Variants in LHFPL3 observed in about 807,000 individuals in gnomAD.
LHFPL3 encodes LHFPL tetraspan subfamily member 3 protein.
In LHFPL3, 5 loss-of-function variants were observed where a neutral mutation model predicts 19.3. The ratio of observed to expected loss-of-function variants is 0.26; its 90% CI spans 0.14 to 0.54. The LOEUF (loss-of-function observed/expected upper bound fraction) is 0.54, where lower values mean the gene tolerates loss of function less well. Among genes scored for constraint, LHFPL3 ranks in the 20% least tolerant of loss-of-function variants. LHFPL3 has a pLI of 0.94. For missense variants in LHFPL3, 249 were observed against 307.4 expected (o/e 0.81, Z 1.42); for synonymous variants, 133 against 126.2 (o/e 1.05, Z -0.36).
At chr7:104,834,730 G>T (rs2116571251) in intron 2 of LHFPL3, among the ~76,000 whole-genome samples, 2 of 152,040 alleles carry the variant, frequency 1.3e-5, no homozygotes, top group Middle Eastern at 6.8e-3. Context: ...ATTCAGCATG[G>T]CCCATGCAGG....
chr7:104,388,398 A>G (rs1175188009), intron 1 of LHFPL3, among the ~76,000 whole-genome samples: 1 of 152,290 alleles, frequency 6.6e-6, no homozygotes, highest in East Asian at 1.9e-4. Flanking sequence ...AGGGATCCTC[A>G]ATAAGACATA....
At chr7:104,409,480 G>T (rs192872055) in intron 1 of LHFPL3, among the ~76,000 whole-genome samples, 1 of 152,178 alleles carries the variant, frequency 6.6e-6, no homozygotes, top group Non-Finnish European at 1.5e-5. Context: ...GCTGGGCATG[G>T]TGGTGCACAC....
At chr7:104,704,879 T>G (rs188599305) in intron 1 of LHFPL3, among the ~76,000 whole-genome samples, 3 of 152,260 alleles carry the variant, frequency 2.0e-5, no homozygotes, top group Non-Finnish European at 2.9e-5. Context: ...CAAGCATTTC[T>G]CCCACCTTGA....
At chr7:104,576,955 C>T (rs1790349876) in intron 1 of LHFPL3, among the ~76,000 whole-genome samples, 1 of 152,190 alleles carries the variant, frequency 6.6e-6, no homozygotes, top group Admixed American at 6.5e-5. Context: ...AGTTTATCTT[C>T]TTACCTTTCT....
chr7:104,828,737 G>C (rs1455543881), intron 2 of LHFPL3, among the ~76,000 whole-genome samples: 2 of 151,936 alleles, frequency 1.3e-5, no homozygotes, highest in Non-Finnish European at 2.9e-5. Flanking sequence ...GGGAAATAAA[G>C]AGTCCCCAAA....
At position 104,484,476 on chromosome 7, in the gene LHFPL3, G is replaced by A. The variant is rs1793200531; in HGVS notation, c.445+155252G>A. ...TCAAAAGCCTTCTCAAAAATCAATG[G>A]GGTATGTTTTCTGTTGAGCTCCTTG... On this transcript the variant is annotated intron_variant, in intron 1 of 2. Coordinates refer to ENST00000424859, the MANE Select transcript of LHFPL3 (RefSeq NM_199000.3). Among the ~76,000 whole-genome samples the A allele has an allele frequency of 2.0e-5, 3 of 152,132 alleles. No individual in the cohort carries two copies. In the South Asian group the frequency reaches 6.2e-4, roughly 32 times the overall value.
intron 1 of LHFPL3, among the ~76,000 whole-genome samples, chr7:104,644,292 C>G (rs1358282164): frequency 1.3e-5 from 2 of 152,232 alleles, no homozygotes; most frequent in African/African-American, 4.8e-5. Context: ...TCCACATCCT[C>G]TTTCCCATAG....
chr7:104,841,492 G>GT (rs11419624), intron 2 of LHFPL3, among the ~76,000 whole-genome samples: 133,114 of 141,184 alleles, frequency 0.94, 62,792 homozygotes, highest in Non-Finnish European at 0.98. Flanking sequence ...GCATTATGTG[G>GT]GGTGTGTGTG....
intron 2 of LHFPL3, among the ~76,000 whole-genome samples, chr7:104,783,813 A>T (rs1226979449): frequency 1.3e-5 from 2 of 152,174 alleles, no homozygotes; most frequent in Non-Finnish European, 2.9e-5. Context: ...TTAGTATGCT[A>T]TGTTTACTGG....
intron 1 of LHFPL3, among the ~76,000 whole-genome samples, chr7:104,581,312 C>G (rs1049573158): frequency 1.2e-4 from 18 of 152,026 alleles, no homozygotes; most frequent in Non-Finnish European, 2.4e-4. Context: ...ATTGCCTGTT[C>G]AGAGATCTAT....
At chr7:104,544,752 G>A (rs897817857) in intron 1 of LHFPL3, among the ~76,000 whole-genome samples, 3 of 152,096 alleles carry the variant, frequency 2.0e-5, no homozygotes, top group Non-Finnish European at 2.9e-5. Flanking sequence ...ATGGTAAGTA[G>A]AAAATGATTT....
chr7:104,835,562 T>A (rs1028167122), intron 2 of LHFPL3, among the ~76,000 whole-genome samples: 1 of 145,310 alleles, frequency 6.9e-6, no homozygotes, highest in Non-Finnish European at 1.5e-5. Context: ...ACAAAATTCC[T>A]GTTCTCCAGA....
intron 1 of LHFPL3, among the ~76,000 whole-genome samples, chr7:104,397,655 C>T (rs2116486289): frequency 6.6e-6 from 1 of 152,278 alleles, no homozygotes; most frequent in Admixed American, 6.5e-5. Context: ...AGGGACATTT[C>T]TTACTCTCCA....
intron 2 of LHFPL3, among the ~76,000 whole-genome samples, chr7:104,743,463 C>T (rs1793974676): frequency 6.6e-6 from 1 of 152,164 alleles, no homozygotes; most frequent in Non-Finnish European, 1.5e-5. Context: ...CTGGGCTTTA[C>T]CTTCTTTAAA....
At chr7:104,728,443 A>G (rs1793629788) in intron 1 of LHFPL3, among the ~76,000 whole-genome samples, 3 of 152,134 alleles carry the variant, frequency 2.0e-5, no homozygotes, top group Non-Finnish European at 4.4e-5. Context: ...CAGTGTGATC[A>G]CTTTCTCCAT....
At chr7:104,422,735 T>C (rs1220587876) in intron 1 of LHFPL3, among the ~76,000 whole-genome samples, 1 of 152,178 alleles carries the variant, frequency 6.6e-6, no homozygotes, top group Non-Finnish European at 1.5e-5. Flanking sequence ...AGATAAAATA[T>C]GATAGTGTAC....
At chr7:104,797,984 T>C (rs1790165676) in intron 2 of LHFPL3, among the ~76,000 whole-genome samples, 1 of 151,646 alleles carries the variant, frequency 6.6e-6, no homozygotes, top group African/African-American at 2.4e-5. Flanking sequence ...CGGCAGCAGC[T>C]GATGTCAGCA....
rs372825055 is a variant in LHFPL3, at chr7:104,674,266, T to C, written c.446-62409T>C. Among the ~76,000 whole-genome samples the C allele has an allele frequency of 1.7e-4, 10 of 59,974 alleles. No homozygotes were observed. The East Asian group carries it at 4.6e-3, about 28-fold the overall frequency. The allele number at this position is 59,974 out of a possible 152,430, so 39.3% of individuals were successfully genotyped here. On this transcript the variant is annotated intron_variant, in intron 1 of 2. Transcript: ENST00000424859. ...ACCATATAGCAAAAGAGATCCCAAG[T>C]GGATTTAAAAGTAAAAAAAAAATCT... is the stretch of plus-strand genomic sequence containing the variant.
chr7:104,391,332 T>C (rs1791063873), intron 1 of LHFPL3, among the ~76,000 whole-genome samples: 1 of 152,220 alleles, frequency 6.6e-6, no homozygotes, highest in Non-Finnish European at 1.5e-5. Flanking sequence ...AACGTTTAAG[T>C]CTTTAATTCA....
Sources: allele counts gnomAD v4.1 joint callset (sites outside exome capture counted in the v4.1 genomes callset), GRCh38; gene constraint gnomAD v4.1.1; transcripts MANE v1.5; gene names NCBI Gene and HGNC (gene_info 2026-07-23, HGNC 2026-07-21).